IRAK4: variants seen among roughly 807,000 people sequenced by gnomAD.
The protein encoded by IRAK4 is interleukin 1 receptor associated kinase 4.
A neutral mutation model predicts 51.8 loss-of-function variants in IRAK4; 44 were observed. That is an observed-to-expected ratio of 0.85 (90% confidence interval 0.67 to 1.09). IRAK4 has a LOEUF of 1.09. IRAK4 is among the 50% of genes least tolerant of loss of function. The pLI, the probability that IRAK4 is intolerant of heterozygous loss-of-function variation, is 0.00. For synonymous variants in IRAK4, 149 were observed against 174.1 expected, an observed-to-expected ratio of 0.86 and a Z score of 1.13; for missense variants, 487 against 538.0, an observed-to-expected ratio of 0.91 and a Z score of 0.94.
chr12:43,777,011 C>T (rs1471079792), intron 6 of IRAK4, among the ~76,000 whole-genome samples: 1 of 152,100 alleles, frequency 6.6e-6, no homozygotes, highest in Non-Finnish European at 1.5e-5. Context: ...GAAAATTGGG[C>T]TAAAGAAAGT....
intron 1 of IRAK4, chr12:43,760,894 T>C (rs74085327): frequency 0.07 from 10,632 of 152,122 alleles, 392 homozygotes; most frequent in Middle Eastern, 0.13. Context: ...TTTGTTTTTT[T>C]TCTCTAATTT....
chr12:43,781,211 C>T (rs999726596), intron 8 of IRAK4, among the ~76,000 whole-genome samples: 1 of 152,136 alleles, frequency 6.6e-6, no homozygotes, highest in Non-Finnish European at 1.5e-5. Flanking sequence ...CCATTTATCC[C>T]ATGTTATGAC....
rs1942313179 is a variant in IRAK4 at position 43,787,850 on chromosome 12, A to T, written c.*1135A>T. On this transcript the variant is annotated 3_prime_UTR_variant, in exon 12 of 12. Transcript: ENST00000613694. ...GGCAGGCAGATCACCTGAGGTCAAGAGTTCAAGACCGGCCTGGCCAACATG... is the reference window on the plus strand; with the variant it reads ...GGCAGGCAGATCACCTGAGGTCAAGTGTTCAAGACCGGCCTGGCCAACATG... 6.6e-6 allele frequency: 1 copy of T among 152,398 alleles called. No homozygotes were observed. Among genetic ancestry groups the T allele is most frequent in the Non-Finnish European group, 1.5e-5 (1 of 68,216 alleles). 9.4% of individuals were successfully genotyped at this position (152,398 alleles called of 1,614,324 possible).
intron 1 of IRAK4, among the ~76,000 whole-genome samples, chr12:43,766,295 G>C (rs1375405752): frequency 6.6e-6 from 1 of 152,072 alleles, no homozygotes; most frequent in African/African-American, 2.4e-5. Flanking sequence ...CTTTTCCCAT[G>C]CTATTCCCTC....
At chr12:43,785,154 C>T (rs1305657900) in intron 10 of IRAK4, among the ~76,000 whole-genome samples, 1 of 152,110 alleles carries the variant, frequency 6.6e-6, no homozygotes, top group East Asian at 1.9e-4. Flanking sequence ...TAGCCATAAT[C>T]TGGAATGATC....
At chr12:43,772,823 C>A in intron 4 of IRAK4, 89 bp from the exon 5 acceptor site, 1 of 884,788 alleles carries the variant, frequency 1.1e-6, no homozygotes, top group Non-Finnish European at 1.7e-6. Context: ...TAAATATTTG[C>A]ATATATGTGA....
At chr12:43,774,649 T>C (rs745937994) in intron 6 of IRAK4, among the ~76,000 whole-genome samples, 5 of 152,194 alleles carry the variant, frequency 3.3e-5, no homozygotes, top group Non-Finnish European at 7.3e-5. Context: ...ATTGTAGAGA[T>C]ACTTAAAAAC....
rs766712571 is a variant in IRAK4 at position 43,789,440 on chromosome 12, C to G, written c.*2725C>G. The G allele has an allele frequency of 1.6e-4, 24 of 152,140 alleles. No homozygotes were observed. The highest frequency in any genetic ancestry group is 3.1e-4 in the Non-Finnish European group (21 of 68,024). The allele number at this position is 152,140 out of a possible 1,614,324, so 9.4% of individuals were successfully genotyped here. On this transcript the variant is annotated 3_prime_UTR_variant, in exon 12 of 12. Coordinates refer to ENST00000613694, the MANE Select transcript of IRAK4 (RefSeq NM_016123.4). Reference sequence around the variant, plus strand: ...CAAACCTTTTTTCTTTATAAATTACCCAGCCTCAGTTATTCCTTTATAGTG... The same window carrying G: ...CAAACCTTTTTTCTTTATAAATTACGCAGCCTCAGTTATTCCTTTATAGTG...
At chr12:43,762,908 T>G (rs1382838297) in intron 1 of IRAK4, among the ~76,000 whole-genome samples, 1 of 152,196 alleles carries the variant, frequency 6.6e-6, no homozygotes, top group Non-Finnish European at 1.5e-5. Flanking sequence ...TATTTAAACC[T>G]CTGCTTCCTT....
At chr12:43,777,534 T>G (rs1592244366) in intron 6 of IRAK4, 96 bp from the exon 7 acceptor site, 1 of 1,046,960 alleles carries the variant, frequency 9.6e-7, no homozygotes, top group Non-Finnish European at 1.3e-6. Flanking sequence ...ACTATTTTTT[T>G]GCTCTTTTTT....
intron 2 of IRAK4, chr12:43,770,889 A>T (rs1005462863): frequency 2.1e-6 from 1 of 481,912 alleles, no homozygotes; most frequent in African/African-American, 2.0e-5. Context: ...TAATGTCGTC[A>T]TGGCAGGAGT....
At chr12:43,766,357 C>T (rs1006573845) in intron 1 of IRAK4, among the ~76,000 whole-genome samples, 1 of 152,102 alleles carries the variant, frequency 6.6e-6, no homozygotes, top group Admixed American at 6.6e-5. Flanking sequence ...TTCATCCTTC[C>T]AACCTCCTAC....
At chr12:43,760,290 G>T (rs1939371084) in intron 1 of IRAK4, among the ~76,000 whole-genome samples, 1 of 152,220 alleles carries the variant, frequency 6.6e-6, no homozygotes, top group South Asian at 2.1e-4. Context: ...CTACGACCCT[G>T]GTCCCAGCCT....
chr12:43,778,108 C>T, intron 7 of IRAK4, 85 bp from the exon 8 acceptor site: 1 of 809,216 alleles, frequency 1.2e-6, no homozygotes, highest in Non-Finnish European at 2.1e-6. Flanking sequence ...TCAGTTGTTG[C>T]CTAGAAAAAT....
rs1435743690 is a variant in IRAK4, at chr12:43,786,853, G to A, written c.*138G>A. ...CAGGACAGTGGTTATTAAAGCATGG[G>A]TTGAACTTCCAAAATATAAAAATAG... On this transcript the variant is annotated 3_prime_UTR_variant, in exon 12 of 12. Transcript: ENST00000613694. The A allele has an allele frequency of 9.7e-6, 7 of 720,892 alleles. No individual in the cohort carries two copies. The highest frequency in any genetic ancestry group is 1.8e-5 in the African/African-American group (1 of 55,694). 44.7% of individuals were successfully genotyped at this position (720,892 alleles called of 1,614,324 possible). A position where few individuals can be genotyped will look rare whatever the true frequency, so the allele number is the denominator to read the frequency against.
intron 2 of IRAK4, among the ~76,000 whole-genome samples, chr12:43,768,999 G>A (rs2137909334): frequency 6.6e-6 from 1 of 152,294 alleles, no homozygotes; most frequent in East Asian, 1.9e-4. Flanking sequence ...TTCCTCATAA[G>A]AAGAGCGAAC....
chr12:43,774,579 A>C (rs1941099549), intron 6 of IRAK4, among the ~76,000 whole-genome samples: 1 of 152,200 alleles, frequency 6.6e-6, no homozygotes, highest in Non-Finnish European at 1.5e-5. Context: ...AGTTACGTGA[A>C]ATTTCACTAT....
Position 43,768,214 on chromosome 12 carries a change from T to A in IRAK4, c.103T>A (p.Leu35Ile), listed in dbSNP as rs1423382149. ...FIDPQEGWKKLAVAIKKPSGD... is the reference protein window; with the variant it reads ...FIDPQEGWKKIAVAIKKPSGD... ...TGATCCTCAAGAAGGATGGAAGAAG[T>A]TAGCTGTAGCTATTAAAAAACCATC... is the stretch of plus-strand genomic sequence containing the variant. The change falls in exon 2 of 12, where the codon TTA (leucine) becomes ATA (isoleucine). Residue 35 changes from leucine (L) to isoleucine (I), a missense_variant. Physicochemically the swap from Leu to Ile is conservative, Grantham distance 5. Coordinates refer to ENST00000613694, the MANE Select transcript of IRAK4 (RefSeq NM_016123.4). 6 of 1,613,304 alleles carry A rather than the reference T, an allele frequency of 3.7e-6. No homozygotes were observed. The highest frequency in any genetic ancestry group is 5.1e-6 in the Non-Finnish European group (6 of 1,179,536).
At chr12:43,772,067 A>G in intron 3 of IRAK4, 113 bp from the exon 4 acceptor site, 2 of 814,424 alleles carry the variant, frequency 2.5e-6, no homozygotes, top group Non-Finnish European at 4.1e-6. Flanking sequence ...TGAGAATATG[A>G]GACCAACCTG....
Sources: allele counts gnomAD v4.1 joint callset (sites outside exome capture counted in the v4.1 genomes callset), GRCh38; gene constraint gnomAD v4.1.1; transcripts MANE v1.5; gene names NCBI Gene and HGNC (gene_info 2026-07-23, HGNC 2026-07-21).